The following TRAPPC9 variants were observed in gnomAD, a reference collection of about 807,000 sequenced individuals.
TRAPPC9 encodes the protein trafficking protein particle complex subunit 9.
In TRAPPC9, 83 loss-of-function variants were observed where a neutral mutation model predicts 124.0. The observed-to-expected ratio is 0.67, with a 90% CI of 0.56 to 0.80. The LOEUF is 0.80. TRAPPC9 is among the 30% of genes least tolerant of loss of function. The probability of loss-of-function intolerance (pLI) is 0.00; values close to 1 mark genes in which losing one functional copy is unlikely to be tolerated. For synonymous variants in TRAPPC9, 638 were observed against 617.5 expected, an observed-to-expected ratio of 1.03 and a Z score of -0.49; for missense variants, 1,302 against 1,508.3, an observed-to-expected ratio of 0.86 and a Z score of 2.27.
At chr8:139,814,408 G>A (rs951009511) in intron 21 of TRAPPC9, among the ~76,000 whole-genome samples, 2 of 152,178 alleles carry the variant, frequency 1.3e-5, no homozygotes, top group African/African-American at 4.8e-5. Flanking sequence ...AGAGCAGACT[G>A]TCTAGCAGGA....
intron 19 of TRAPPC9, among the ~76,000 whole-genome samples, chr8:139,972,062 G>C (rs1200354948): frequency 6.6e-6 from 1 of 152,088 alleles, no homozygotes; most frequent in African/African-American, 2.4e-5. Context: ...CTGACCTCAA[G>C]TCATCCACCT....
intron 4 of TRAPPC9, among the ~76,000 whole-genome samples, chr8:140,432,406 T>C (rs938687535): frequency 6.6e-6 from 1 of 152,152 alleles, no homozygotes; most frequent in African/African-American, 2.4e-5. Context: ...GAAACTAATC[T>C]TAGAACAGGA....
chr8:140,349,214 G>T (rs1434540075), intron 9 of TRAPPC9, among the ~76,000 whole-genome samples: 20 of 109,534 alleles, frequency 1.8e-4, no homozygotes, highest in African/African-American at 6.4e-4. Context: ...GCGAGGGAAG[G>T]GCACAGAAGG....
intron 10 of TRAPPC9, among the ~76,000 whole-genome samples, chr8:140,302,411 G>C (rs12156395): frequency 6.6e-6 from 1 of 152,040 alleles, no homozygotes; most frequent in African/African-American, 2.4e-5. Context: ...CTGAGGACAG[G>C]GGCACCAGGA....
At chr8:139,777,089 T>A (rs550173537) in intron 21 of TRAPPC9, among the ~76,000 whole-genome samples, 2 of 152,316 alleles carry the variant, frequency 1.3e-5, no homozygotes, top group East Asian at 3.9e-4. Flanking sequence ...TCTGATCATC[T>A]TTCAAGAGTC....
intron 17 of TRAPPC9, among the ~76,000 whole-genome samples, chr8:140,119,060 T>C (rs1448044579): frequency 1.3e-5 from 2 of 152,162 alleles, no homozygotes; most frequent in African/African-American, 2.4e-5. Context: ...CCATCTGAAA[T>C]GTAAGCATCT....
At chr8:139,749,877 T>C (rs1819200329) in intron 21 of TRAPPC9, among the ~76,000 whole-genome samples, 1 of 152,148 alleles carries the variant, frequency 6.6e-6, no homozygotes, top group Middle Eastern at 3.2e-3. Context: ...AAGGAGCTTT[T>C]AGAAGCGGGG....
chr8:140,218,487 G>A (rs1274557994), intron 17 of TRAPPC9, among the ~76,000 whole-genome samples: 1 of 152,010 alleles, frequency 6.6e-6, no homozygotes, highest in Non-Finnish European at 1.5e-5. Flanking sequence ...GGGAGACTGT[G>A]GCATTTTAGA....
intron 17 of TRAPPC9, among the ~76,000 whole-genome samples, chr8:140,192,582 A>G: frequency 6.6e-6 from 1 of 152,240 alleles, no homozygotes; most frequent in Non-Finnish European, 1.5e-5. Context: ...GGGCAGCCCC[A>G]TTATGCAGAG....
chr8:139,812,894 T>A (rs918600055), intron 21 of TRAPPC9, among the ~76,000 whole-genome samples: 1 of 152,046 alleles, frequency 6.6e-6, no homozygotes, highest in Non-Finnish European at 1.5e-5. Flanking sequence ...TCGGGAAGGT[T>A]AAAAACACCG....
At chr8:140,413,103 C>T (rs946022158) in intron 5 of TRAPPC9, among the ~76,000 whole-genome samples, 11 of 152,076 alleles carry the variant, frequency 7.2e-5, no homozygotes, top group Non-Finnish European at 1.3e-4. Flanking sequence ...AAAGTCACCA[C>T]CCGGGTCGGG....
At chr8:140,360,242 G>C (rs2067908792) in intron 8 of TRAPPC9, 49 bp from the exon 9 acceptor site, 2 of 1,612,180 alleles carry the variant, frequency 1.2e-6, no homozygotes, top group Non-Finnish European at 8.5e-7. Flanking sequence ...AGAGGGTACA[G>C]GAAATACGGT....
intron 17 of TRAPPC9, among the ~76,000 whole-genome samples, chr8:140,029,620 TATA>T (rs1298262234): frequency 6.8e-6 from 1 of 147,094 alleles, no homozygotes. Flanking sequence ...AAACTTTAAG[TATA>T]ATAATAATAA....
Position 140,049,545 on chromosome 8 carries a change from T to TCC in TRAPPC9, c.2557-25468_2557-25467dup, listed in dbSNP as rs200895550. Among the ~76,000 whole-genome samples, 156 of 145,120 alleles carry TCC rather than the reference T, an allele frequency of 1.1e-3. 1 individual carries two copies. Among genetic ancestry groups the TCC allele is most frequent in the African/African-American group, 3.6e-3 (136 of 37,600 alleles). On this transcript the variant is annotated intron_variant, in intron 17 of 22. Transcript: ENST00000438773. Reference sequence around the variant, plus strand: ...AGCATGAAGATAAATCCTACAGGGCTCCCCCCCCCGAGACCACCAAATTAT... The same window carrying TCC: ...AGCATGAAGATAAATCCTACAGGGCTCCCCCCCCCCCGAGACCACCAAATTAT...
Position 140,063,047 on chromosome 8 carries a change from G to A in TRAPPC9, c.2557-38968C>T, listed in dbSNP as rs1842717326. Among the ~76,000 whole-genome samples the A allele has an allele frequency of 6.6e-6, 1 of 152,156 alleles. No homozygotes were observed. The highest frequency in any genetic ancestry group is 1.5e-5 in the Non-Finnish European group (1 of 68,040). ...AGGGACCTTCTTCAGAAGGCGGCAG[G>A]AAGGAGAAGTGAATGCAGGAGGAAC... On this transcript the variant is annotated intron_variant, in intron 17 of 22. Coordinates refer to ENST00000438773, the MANE Select transcript of TRAPPC9 (RefSeq NM_001160372.4). This position sits in a 1 kb window ranked among gnomAD's most constrained non-coding sequence, Gnocchi z 4.3.
chr8:140,039,347 G>A (rs1298381192), intron 17 of TRAPPC9, among the ~76,000 whole-genome samples: 1 of 152,238 alleles, frequency 6.6e-6, no homozygotes, highest in African/African-American at 2.4e-5. Context: ...TCTTGTTAAT[G>A]AGATTGGAGT....
At position 139,730,841 on chromosome 8, in the gene TRAPPC9, T is replaced by A; in HGVS notation, c.*220A>T. The stretch of plus-strand genomic sequence containing the variant: ...AGCCTGTGTATGGTCCAGGGAACAG[T>A]GTAGGAAGGGGCGTGGCATGGGGTG... On this transcript the variant is annotated 3_prime_UTR_variant, in exon 23 of 23. Coordinates refer to ENST00000438773, the MANE Select transcript of TRAPPC9 (RefSeq NM_001160372.4). The A allele has an allele frequency of 1.7e-6, 1 of 591,008 alleles. No individual in the cohort carries two copies. Among genetic ancestry groups the A allele is most frequent in the South Asian group, 2.0e-5 (1 of 50,704 alleles). 36.6% of individuals were successfully genotyped at this position (591,008 alleles called of 1,614,324 possible).
intron 7 of TRAPPC9, among the ~76,000 whole-genome samples, 189 bp from the exon 8 acceptor site, chr8:140,371,369 C>G (rs1334058053): frequency 6.6e-6 from 1 of 152,276 alleles, no homozygotes; most frequent in Admixed American, 6.5e-5. Context: ...CCAGCCACAG[C>G]TGCAGGTGCA....
chr8:140,399,409 G>C (rs1433345789), intron 6 of TRAPPC9, among the ~76,000 whole-genome samples: 1 of 152,194 alleles, frequency 6.6e-6, no homozygotes, highest in Non-Finnish European at 1.5e-5. Flanking sequence ...CCAGGACAGG[G>C]GCTGTACCCT....
Sources: allele counts gnomAD v4.1 joint callset (sites outside exome capture counted in the v4.1 genomes callset), GRCh38; gene constraint gnomAD v4.1.1; non-coding constraint Gnocchi (gnomAD v3.1); transcripts MANE v1.5; gene names NCBI Gene and HGNC (gene_info 2026-07-23, HGNC 2026-07-21).